The following C12orf42 variants were observed in gnomAD, a reference collection of about 807,000 sequenced individuals.
C12orf42 encodes chromosome 12 open reading frame 42.
Under a neutral mutation model 21.6 loss-of-function variants are expected in C12orf42, and 25 were observed. The ratio of observed to expected loss-of-function variants is 1.16; its 90% CI spans 0.84 to 1.62. C12orf42 has a LOEUF of 1.62. Ranked by LOEUF, C12orf42 falls within the 40% of genes most tolerant of loss-of-function variation. The pLI, the probability that C12orf42 is intolerant of heterozygous loss-of-function variation, is 0.00. For missense variants in C12orf42, 483 were observed against 459.3 expected (o/e 1.05, Z -0.47); for synonymous variants, 174 against 175.0 (o/e 0.99, Z 0.05).
chr12:103,538,679 G>A, the C12orf42 span, among the ~76,000 whole-genome samples: 3 of 152,216 alleles, frequency 2.0e-5, no homozygotes, highest in African/African-American at 7.2e-5. Flanking sequence ...TGTGATTTCT[G>A]GATAAACTGT....
chr12:103,470,784 C>A (rs1953537468), intron 2 of C12orf42, among the ~76,000 whole-genome samples: 2 of 152,174 alleles, frequency 1.3e-5, no homozygotes, highest in Admixed American at 1.3e-4. Context: ...CAGAGAGAGA[C>A]CCTGAGTAGA....
rs143755719 is a variant in C12orf42 at position 103,253,125 on chromosome 12, G to C, written c.*1366+10201C>G. Among the ~76,000 whole-genome samples, 68 of 152,196 alleles carry C rather than the reference G, an allele frequency of 4.5e-4. 2 individuals carry two copies. In the East Asian group the frequency reaches 0.012, roughly 28 times the overall value. On this transcript the variant is annotated intron_variant and NMD_transcript_variant, in intron 10 of 10. Transcript: ENST00000547347. ...AAGATCAGATGGTTGTAGGTGTGTGGTGTTATTTCTAAGGCCTCTGTTCTG... is the reference window on the plus strand; with the variant it reads ...AAGATCAGATGGTTGTAGGTGTGTGCTGTTATTTCTAAGGCCTCTGTTCTG...
At chr12:103,104,856 A>C in the C12orf42 span, among the ~76,000 whole-genome samples, 1 of 152,216 alleles carries the variant, frequency 6.6e-6, no homozygotes, top group Non-Finnish European at 1.5e-5. Flanking sequence ...GCCCCACCAC[A>C]CAGGGAAGGA....
At chr12:103,269,179 A>G (rs1209098432) in intron 6 of C12orf42, among the ~76,000 whole-genome samples, 1 of 152,190 alleles carries the variant, frequency 6.6e-6, no homozygotes, top group Admixed American at 6.6e-5. Context: ...TGCTATTTTA[A>G]AACAATCATA....
chr12:103,185,735 T>C, the C12orf42 span, among the ~76,000 whole-genome samples: 5 of 152,256 alleles, frequency 3.3e-5, 1 homozygote, highest in Admixed American at 3.3e-4. Context: ...GATCTGATGG[T>C]TTCGTCAGGG....
chr12:103,495,433 C>A (rs1955463467), intron 1 of C12orf42, among the ~76,000 whole-genome samples: 1 of 151,850 alleles, frequency 6.6e-6, no homozygotes, highest in Admixed American at 6.5e-5. Flanking sequence ...CCCTCCCCCA[C>A]CCCTCCCCCT....
At chr12:103,506,554 T>C in the C12orf42 span, among the ~76,000 whole-genome samples, 1 of 151,580 alleles carries the variant, frequency 6.6e-6, no homozygotes, top group Non-Finnish European at 1.5e-5. Context: ...TTGCCTATAG[T>C]ATTCAGTATA....
At chr12:103,274,456 C>T (rs1003873922) in intron 5 of C12orf42, among the ~76,000 whole-genome samples, 3 of 152,064 alleles carry the variant, frequency 2.0e-5, no homozygotes, top group African/African-American at 7.2e-5. Context: ...TTTTCTTTCC[C>T]TTAGAAGTCT....
the C12orf42 span, among the ~76,000 whole-genome samples, chr12:103,144,990 A>G: frequency 6.6e-6 from 1 of 152,150 alleles, no homozygotes; most frequent in Non-Finnish European, 1.5e-5. Flanking sequence ...GCAAAGTCCT[A>G]GTCATGTGAT....
chr12:103,211,022 T>C, the C12orf42 span, among the ~76,000 whole-genome samples: 1 of 152,168 alleles, frequency 6.6e-6, no homozygotes, highest in African/African-American at 2.4e-5. Context: ...CCTTTTTCCA[T>C]CTGGATTGAT....
the C12orf42 span, among the ~76,000 whole-genome samples, chr12:103,563,197 T>G: frequency 1.3e-5 from 2 of 152,200 alleles, no homozygotes; most frequent in Non-Finnish European, 2.9e-5. Flanking sequence ...GAATCATCTC[T>G]AAGTGCATCT....
the C12orf42 span, among the ~76,000 whole-genome samples, chr12:103,116,903 A>G: frequency 6.6e-6 from 1 of 152,090 alleles, no homozygotes; most frequent in African/African-American, 2.4e-5. Context: ...ATTTAATTTT[A>G]TCTTTTAATT....
downstream of C12orf42, chr12:103,301,793 AC>A (rs2037666107): frequency 3.9e-6 from 1 of 258,330 alleles, no homozygotes; most frequent in African/African-American, 2.2e-5. Context: ...CGAAAGCAAA[AC>A]AAAGAGGGGT....
At chr12:103,246,860 A>T (rs2136183866) in intron 10 of C12orf42, among the ~76,000 whole-genome samples, 1 of 152,252 alleles carries the variant, frequency 6.6e-6, no homozygotes. Context: ...TATTGTAGGT[A>T]GAAGGAAACA....
At chr12:103,236,023 T>G (rs1043940651), downstream of C12orf42, among the ~76,000 whole-genome samples, 2 of 152,230 alleles carry the variant, frequency 1.3e-5, no homozygotes, top group African/African-American at 4.8e-5. Flanking sequence ...TACAGCCCAG[T>G]TACCATTGAG....
At chr12:103,261,783 T>C (rs1029271302) in intron 10 of C12orf42, among the ~76,000 whole-genome samples, 50 of 152,230 alleles carry the variant, frequency 3.3e-4, no homozygotes, top group African/African-American at 1.2e-3. Flanking sequence ...ACAATTTTTA[T>C]GACCAAATGA....
intron 10 of C12orf42, among the ~76,000 whole-genome samples, chr12:103,260,338 A>G (rs561973607): frequency 2.0e-5 from 3 of 152,316 alleles, no homozygotes; most frequent in Admixed American, 6.5e-5. Context: ...GCGCTGACAC[A>G]TGATGAAGCT....
intron 10 of C12orf42, among the ~76,000 whole-genome samples, chr12:103,252,318 A>G (rs1462708476): frequency 6.6e-6 from 1 of 152,134 alleles, no homozygotes; most frequent in Non-Finnish European, 1.5e-5. Context: ...CAGTAATGGG[A>G]TTGCTGGGTT....
the C12orf42 span, among the ~76,000 whole-genome samples, chr12:103,128,628 C>T: frequency 6.6e-6 from 1 of 152,086 alleles, no homozygotes; most frequent in Non-Finnish European, 1.5e-5. Flanking sequence ...AACAACAGTA[C>T]CTTGCATGGT....
Sources: gnomAD v4.1 joint callset for allele counts (sites outside exome capture counted in the v4.1 genomes callset) on GRCh38, gnomAD v4.1.1 for gene constraint, MANE v1.5 for transcripts, NCBI Gene and HGNC (gene_info 2026-07-23, HGNC 2026-07-21) for gene names.